USP15: variants seen among roughly 807,000 people sequenced by gnomAD.
USP15 encodes ubiquitin specific peptidase 15, also known as ubiquitin carboxyl-terminal hydrolase 15.
A neutral mutation model predicts 127.1 loss-of-function variants in USP15; 18 were observed. That is an observed-to-expected ratio of 0.14 (90% CI 0.10 to 0.21). The LOEUF is 0.21. Ranked by LOEUF, USP15 falls within the 10% of genes least tolerant of loss-of-function variation. The pLI is 1.00. For synonymous variants in USP15, 364 were observed against 393.7 expected (o/e 0.92, Z 0.89); for missense variants, 805 against 1,159.9 (o/e 0.69, Z 4.44).
intron 8 of USP15, among the ~76,000 whole-genome samples, chr12:62,368,629 C>T (rs2066559216): frequency 6.6e-6 from 1 of 152,064 alleles, no homozygotes; most frequent in Admixed American, 6.6e-5. Context: ...TACGCAACCC[C>T]TGCTTTTTTT....
In USP15 at chr12:62,295,444, G is replaced by A. The variant is rs536376047; in HGVS notation, c.217+1138G>A. On this transcript the variant is annotated intron_variant, in intron 2 of 21. Transcript: ENST00000280377. ...CAGAATAAAACTTGAGTATTTATAA[G>A]AATACAAAAATATCCAGCATACAAA... is the stretch of plus-strand genomic sequence containing the variant. 1.9e-3 allele frequency among the ~76,000 whole-genome samples: 288 copies of A among 152,238 alleles called. 3 individuals are homozygous for A. Among genetic ancestry groups the A allele is most frequent in the African/African-American group, 6.6e-3 (276 of 41,536 alleles).
intron 8 of USP15, among the ~76,000 whole-genome samples, chr12:62,365,910 A>G (rs559980475): frequency 1.3e-5 from 2 of 152,144 alleles, no homozygotes; most frequent in South Asian, 2.1e-4. Flanking sequence ...GCATTGGTCT[A>G]TATATCTGTT....
chr12:62,302,735 T>C, intron 2 of USP15, 55 bp from the exon 3 acceptor site: 1 of 1,525,306 alleles, frequency 6.6e-7, no homozygotes, highest in South Asian at 1.3e-5. Flanking sequence ...TAATTTGTAA[T>C]GTGTCCAAAC....
In USP15 at chr12:62,298,991, C is replaced by A. The variant is rs192031162; in HGVS notation, c.218-3799C>A. 7.2e-5 allele frequency among the ~76,000 whole-genome samples: 11 copies of A among 152,178 alleles called. No homozygotes were observed. In the East Asian group the frequency reaches 2.1e-3, roughly 29 times the overall value. On this transcript the variant is annotated intron_variant, in intron 2 of 21. Coordinates refer to ENST00000280377, the MANE Select transcript of USP15 (RefSeq NM_001252078.2). ...AATTTTGTAAAACATTCCTTGTACC[C>A]ATTAAGAATCACACCCTATCCCTTC... is the stretch of plus-strand genomic sequence containing the variant.
At chr12:62,278,521 G>A (rs537458113) in intron 1 of USP15, 1 of 152,226 alleles carries the variant, frequency 6.6e-6, no homozygotes, top group East Asian at 1.9e-4. Context: ...AATGAGTTAT[G>A]CTACAACATC....
At position 62,328,513 on chromosome 12, in the gene USP15, A is replaced by C. The variant is rs767305678; in HGVS notation, c.683+2580A>C. 96 of 213,924 alleles carry C rather than the reference A, an allele frequency of 4.5e-4. 1 individual carries two copies. Among genetic ancestry groups the C allele is most frequent in the Middle Eastern group, 1.9e-3 (4 of 2,080 alleles). 13.3% of individuals were successfully genotyped at this position (213,924 alleles called of 1,614,324 possible). A position where few individuals can be genotyped will look rare whatever the true frequency, so the allele number is the denominator to read the frequency against. ...AAATAGTCTAACAAAAATTAACTTA[A>C]TTAAAAACGCATAAAACCTTCATGG... is the stretch of plus-strand genomic sequence containing the variant. On this transcript the variant is annotated intron_variant, in intron 6 of 21. Coordinates refer to ENST00000280377, the MANE Select transcript of USP15 (RefSeq NM_001252078.2).
chr12:62,366,582 A>T (rs1246538648), intron 8 of USP15, among the ~76,000 whole-genome samples: 4 of 152,136 alleles, frequency 2.6e-5, no homozygotes, highest in African/African-American at 9.7e-5. Context: ...AACTTCCAAT[A>T]ATATGTTGAA....
At chr12:62,269,655 A>AAGCACTCCTCCCACCGCC (rs2063297583) in intron 1 of USP15, among the ~76,000 whole-genome samples, 1 of 152,052 alleles carries the variant, frequency 6.6e-6, no homozygotes, top group Non-Finnish European at 1.5e-5. Flanking sequence ...TCCTGGCCTC[A>AAGCACTCCTCCCACCGCC]AGCACTCCTC....
chr12:62,387,279 G>C (rs940359539), intron 11 of USP15, among the ~76,000 whole-genome samples: 2 of 152,150 alleles, frequency 1.3e-5, no homozygotes, highest in Admixed American at 6.5e-5. Context: ...AGGCTAAGGT[G>C]ACCCCGTGAT....
In USP15 at chr12:62,407,543, A is replaced by G. The variant is rs2067909818; in HGVS notation, c.*3168A>G. The stretch of plus-strand genomic sequence containing the variant: ...TGAATAAGAAAGTACCCACTGGAAT[A>G]TTGACTAACCCATTCCCTTTTAAAA... On this transcript the variant is annotated 3_prime_UTR_variant, in exon 22 of 22. Transcript: ENST00000280377. The G allele has an allele frequency of 6.6e-6, 1 of 152,232 alleles. No homozygotes were observed. Among genetic ancestry groups the G allele is most frequent in the African/African-American group, 2.4e-5 (1 of 41,468 alleles). The allele number at this position is 152,232 out of a possible 1,614,324, so 9.4% of individuals were successfully genotyped here.
At chr12:62,333,394 G>A (rs2065361753) in intron 6 of USP15, among the ~76,000 whole-genome samples, 1 of 152,050 alleles carries the variant, frequency 6.6e-6, no homozygotes, top group South Asian at 2.1e-4. Context: ...AGCCTCCCAA[G>A]TAGCTGGGAC....
chr12:62,328,263 A>G, intron 6 of USP15: 1 of 450,862 alleles, frequency 2.2e-6, no homozygotes, highest in Non-Finnish European at 4.5e-6. Flanking sequence ...CTATACCGAG[A>G]GATCAGCAAT....
At chr12:62,390,640 C>T (rs1425026519) in intron 14 of USP15, among the ~76,000 whole-genome samples, 9 of 152,022 alleles carry the variant, frequency 5.9e-5, no homozygotes, top group Non-Finnish European at 1.5e-5. Flanking sequence ...AAACATTTAA[C>T]ATTTAACCTA....
chr12:62,393,716 A>G (rs2067391580), intron 19 of USP15: 2 of 152,306 alleles, frequency 1.3e-5, no homozygotes, highest in African/African-American at 4.8e-5. Context: ...CAGCCTTCCA[A>G]GTAACTGGGA....
rs2065109054 is a variant in USP15, at chr12:62,325,916, G to A, written c.666G>A (p.Arg222=). 1 of 1,609,742 alleles carries A rather than the reference G, an allele frequency of 6.2e-7. No homozygotes were observed. The highest frequency in any genetic ancestry group is 8.5e-7 in the Non-Finnish European group (1 of 1,177,500). ...AAAATGAAGATGGAACATGGCCAAG[G>A]GGTCCTTCTACTCCTAAGTAAGTGC... is the stretch of plus-strand genomic sequence containing the variant. ...EQKNEDGTWP[R]GPSTPKSPGA... is the part of the protein sequence containing the mutation. Residue 222 remains arginine (R), a synonymous_variant, in exon 6 of 22, where the codon AGG becomes AGA. Transcript: ENST00000280377.
intron 6 of USP15, among the ~76,000 whole-genome samples, chr12:62,339,020 A>G (rs1427856292): frequency 6.6e-6 from 1 of 152,112 alleles, no homozygotes; most frequent in East Asian, 1.9e-4. Flanking sequence ...GTCAATGTCA[A>G]TTCAATGGGG....
At chr12:62,373,258 A>T (rs1303917188) in intron 8 of USP15, among the ~76,000 whole-genome samples, 2 of 152,058 alleles carry the variant, frequency 1.3e-5, no homozygotes, top group African/African-American at 4.8e-5. Flanking sequence ...CTTTTTGACA[A>T]ACTTAGAGTT....
intron 4 of USP15, among the ~76,000 whole-genome samples, chr12:62,316,875 A>G (rs912725309): frequency 1.3e-5 from 2 of 152,178 alleles, no homozygotes; most frequent in Non-Finnish European, 2.9e-5. Context: ...AAAGTTTACA[A>G]TCTAGCATAG....
chr12:62,330,608 T>A (rs1454214281), intron 6 of USP15, among the ~76,000 whole-genome samples: 3 of 146,694 alleles, frequency 2.0e-5, no homozygotes, highest in Non-Finnish European at 3.0e-5. Context: ...AAAAATAGAA[T>A]GCCTCTGTGT....
Sources: allele counts gnomAD v4.1 joint callset (sites outside exome capture counted in the v4.1 genomes callset), GRCh38; gene constraint gnomAD v4.1.1; transcripts MANE v1.5; gene names NCBI Gene and HGNC (gene_info 2026-07-23, HGNC 2026-07-21).